AHCYL2: variants seen among roughly 807,000 people sequenced by gnomAD.
AHCYL2 encodes the protein adenosylhomocysteinase like 2, also known as S-adenosylhomocysteine hydrolase-like protein 2.
Under a neutral mutation model 81.4 loss-of-function variants are expected in AHCYL2, and 28 were observed. That is an observed-to-expected ratio of 0.34 (90% CI 0.25 to 0.47). The LOEUF (loss-of-function observed/expected upper bound fraction) is 0.47. Ranked by LOEUF, AHCYL2 falls within the 20% of genes least tolerant of loss-of-function variation. The pLI, the probability that AHCYL2 is intolerant of heterozygous loss-of-function variation, is 1.00. For missense variants in AHCYL2, 551 were observed against 785.1 expected (o/e 0.70, Z 3.56); for synonymous variants, 272 against 290.2 (o/e 0.94, Z 0.64).
intron 1 of AHCYL2, among the ~76,000 whole-genome samples, chr7:129,313,921 T>C (rs1797748539): frequency 6.6e-6 from 1 of 152,214 alleles, no homozygotes; most frequent in South Asian, 2.1e-4. Context: ...AAATACAGTA[T>C]TTGAATGTTA....
intron 1 of AHCYL2, among the ~76,000 whole-genome samples, chr7:129,257,579 T>C (rs1584713094): frequency 1.3e-5 from 2 of 152,228 alleles, no homozygotes; most frequent in Non-Finnish European, 2.9e-5. Context: ...TGAAGGATGG[T>C]ACTTAATCAG....
chr7:129,300,537 A>T (rs529231576), intron 1 of AHCYL2, among the ~76,000 whole-genome samples: 1 of 152,202 alleles, frequency 6.6e-6, no homozygotes, highest in East Asian at 1.9e-4. Flanking sequence ...AAAAAAATCT[A>T]TTCGTCTGTT....
At chr7:129,312,803 C>T (rs1030642201) in intron 1 of AHCYL2, among the ~76,000 whole-genome samples, 8 of 152,140 alleles carry the variant, frequency 5.3e-5, no homozygotes, top group African/African-American at 1.9e-4. Context: ...CTTTCCCTGT[C>T]AGAAGCTCCC....
chr7:129,352,600 A>G (rs1793605196), intron 1 of AHCYL2, among the ~76,000 whole-genome samples: 1 of 152,120 alleles, frequency 6.6e-6, no homozygotes, highest in South Asian at 2.1e-4. Flanking sequence ...TGAAGTCATT[A>G]TTTCTTTTTC....
chr7:129,318,325 G>T (rs1031633148), intron 1 of AHCYL2, among the ~76,000 whole-genome samples: 5 of 152,128 alleles, frequency 3.3e-5, no homozygotes, highest in Non-Finnish European at 7.4e-5. Context: ...AAACTTCTGG[G>T]CTCAAGTGAT....
chr7:129,394,163 T>G (rs149326525), intron 4 of AHCYL2, among the ~76,000 whole-genome samples: 1 of 151,606 alleles, frequency 6.6e-6, no homozygotes, highest in Non-Finnish European at 1.5e-5. Flanking sequence ...CATATACCAC[T>G]ATGCCTGGCT....
chr7:129,375,975 T>C lies in AHCYL2; in HGVS notation c.364-3663T>C, dbSNP rs1265968293. On this transcript the variant is annotated intron_variant, in intron 1 of 16. Coordinates refer to ENST00000325006, the MANE Select transcript of AHCYL2 (RefSeq NM_015328.4). Reference sequence around the variant, plus strand: ...AGTCTTGCCGCTGCTATAGCCATTATTGTAAAAGGCCGACTGCTTATACTC... The same window carrying C: ...AGTCTTGCCGCTGCTATAGCCATTACTGTAAAAGGCCGACTGCTTATACTC... 2.6e-6 allele frequency: 4 copies of C among 1,534,976 alleles called. No homozygotes were observed. In the African/African-American group the frequency reaches 4.1e-5, roughly 16 times the overall value.
intron 1 of AHCYL2, chr7:129,377,599 A>G (rs191868296): frequency 3.7e-5 from 17 of 456,726 alleles, no homozygotes; most frequent in Admixed American, 2.6e-4. Context: ...CTGCCCATCA[A>G]GGAACCATCT....
intron 1 of AHCYL2, among the ~76,000 whole-genome samples, chr7:129,361,688 G>A (rs1793935492): frequency 6.6e-6 from 1 of 151,998 alleles, no homozygotes; most frequent in Admixed American, 6.6e-5. Context: ...AGAGTGCAGT[G>A]GCATGATCAT....
rs551916388 is a variant in AHCYL2, at chr7:129,308,551, G to C, written c.364-71087G>C. On this transcript the variant is annotated intron_variant, in intron 1 of 16. Transcript: ENST00000325006. ...GTACTGTGATTGCTCACATGATTTT[G>C]ATTCTAATTGAAGGTGCTTTTTTTG... 8.8e-4 allele frequency among the ~76,000 whole-genome samples: 134 copies of C among 152,334 alleles called. 1 individual carries two copies. Among genetic ancestry groups the C allele is most frequent in the Non-Finnish European group, 1.0e-3 (70 of 68,034 alleles).
At chr7:129,377,229 CA>C (rs755330662) in intron 1 of AHCYL2, among the ~76,000 whole-genome samples, 27 of 152,238 alleles carry the variant, frequency 1.8e-4, no homozygotes, top group Middle Eastern at 3.4e-3. Flanking sequence ...AGGAGAAATG[CA>C]ATACATGAAA....
At chr7:129,226,775 A>C (rs891545) in intron 1 of AHCYL2, among the ~76,000 whole-genome samples, 97,891 of 152,014 alleles carry the variant, frequency 0.64, 32,185 homozygotes, top group Middle Eastern at 0.73. Context: ...GAAGAATTAG[A>C]GTAGAAAGAG....
At chr7:129,308,833 G>C (rs1797536387) in intron 1 of AHCYL2, among the ~76,000 whole-genome samples, 3 of 152,208 alleles carry the variant, frequency 2.0e-5, no homozygotes, top group Non-Finnish European at 4.4e-5. Flanking sequence ...GGGCAGCATG[G>C]TATGGATCAT....
intron 13 of AHCYL2, among the ~76,000 whole-genome samples, chr7:129,424,225 CAA>C (rs35521435): frequency 2.8e-4 from 19 of 67,296 alleles, no homozygotes; most frequent in Non-Finnish European, 2.3e-4. Flanking sequence ...CCTGTCTCTA[CAA>C]AAAAAAAAAA....
intron 1 of AHCYL2, among the ~76,000 whole-genome samples, chr7:129,321,465 A>G (rs1798010231): frequency 6.6e-6 from 1 of 152,140 alleles, no homozygotes; most frequent in African/African-American, 2.4e-5. Flanking sequence ...AGTTATATTG[A>G]TTGATTTTCA....
chr7:129,281,688 G>C (rs1417262655), intron 1 of AHCYL2, among the ~76,000 whole-genome samples: 1 of 151,730 alleles, frequency 6.6e-6, no homozygotes, highest in Non-Finnish European at 1.5e-5. Flanking sequence ...TGTAGAGATA[G>C]GGTTTTGCCA....
rs1294961313 is a variant in AHCYL2 at position 129,427,176 on chromosome 7, G to C, written c.*131G>C. On this transcript the variant is annotated 3_prime_UTR_variant, in exon 17 of 17. Coordinates refer to ENST00000325006, the MANE Select transcript of AHCYL2 (RefSeq NM_015328.4). The surrounding 1 kb of genome is among the most constrained non-coding windows in gnomAD (Gnocchi z 5.5). ...CTGCCGTGCTCACCCTGTGTGTTAG[G>C]TTATTTATTTATTAAAATCAAGAAT... is the stretch of plus-strand genomic sequence containing the variant. 3 of 929,438 alleles carry C rather than the reference G, an allele frequency of 3.2e-6. No homozygotes were observed. The highest frequency in any genetic ancestry group is 4.8e-5 in the Admixed American group (2 of 41,342). 57.6% of individuals were successfully genotyped at this position (929,438 alleles called of 1,614,324 possible).
At chr7:129,342,420 A>G (rs1304042221) in intron 1 of AHCYL2, among the ~76,000 whole-genome samples, 1 of 152,232 alleles carries the variant, frequency 6.6e-6, no homozygotes, top group Non-Finnish European at 1.5e-5. Flanking sequence ...ACAATAATGA[A>G]GAGAGAGACC....
intron 4 of AHCYL2, 55 bp from the exon 5 acceptor site, chr7:129,397,167 C>T: frequency 7.1e-7 from 1 of 1,412,080 alleles, no homozygotes; most frequent in Non-Finnish European, 9.9e-7. Flanking sequence ...ACTTTATCTC[C>T]TTGACTAGTT....
Sources: gnomAD v4.1 joint callset for allele counts (sites outside exome capture counted in the v4.1 genomes callset) on GRCh38, gnomAD v4.1.1 for gene constraint, Gnocchi (gnomAD v3.1) non-coding constraint, MANE v1.5 for transcripts, NCBI Gene and HGNC (gene_info 2026-07-23, HGNC 2026-07-21) for gene names.